Variants in PMP22 observed in about 807,000 individuals in gnomAD.
PMP22 encodes peripheral myelin protein 22, also known as Charcot-Marie-Tooth neuropathy 1A (greatly reduced nerve conduction velocity, hereditary motor sensory neuropathy Ia).
Under a neutral mutation model 18.9 loss-of-function variants are expected in PMP22, and 2 were observed. The observed-to-expected ratio is 0.11, with a 90% CI of 0.04 to 0.33. The LOEUF is 0.33. PMP22 is among the 10% of genes least tolerant of loss of function. The pLI is 1.00. For synonymous variants in PMP22, 95 were observed against 89.2 expected (o/e 1.07, Z -0.37); for missense variants, 169 against 202.2 (o/e 0.84, Z 1.00).
intron 1 of PMP22, among the ~76,000 whole-genome samples, chr17:15,263,372 G>A (rs982365302): frequency 6.6e-6 from 1 of 152,110 alleles, no homozygotes; most frequent in Non-Finnish European, 1.5e-5. Flanking sequence ...TGGGGTTGGA[G>A]CAGCCAAGGA....
chr17:15,262,354 G>C (rs1224834444), intron 1 of PMP22: 1 of 152,554 alleles, frequency 6.6e-6, no homozygotes, highest in African/African-American at 2.4e-5. Flanking sequence ...CCTGCGCTGC[G>C]CTTTCTGGCA....
rs141094419 is a variant in PMP22 at position 15,230,997 on chromosome 17, C to T, written c.403G>A (p.Ala135Thr). ...AAGGCCACCCAGGCCAGGATGTAGG[C>T]GAAACCGTAGGAGTAATCCGAGTTG... The part of the protein sequence containing the change: ...HLNSDYSYGF[A>T]YILAWVAFPL... Residue 135 changes from alanine (A) to threonine (T), a missense_variant, in exon 5 of 5, where the codon GCC becomes ACC. Ala to Thr is a moderately conservative substitution (Grantham distance 58). Coordinates refer to ENST00000312280, the MANE Select transcript of PMP22 (RefSeq NM_000304.4). 4.7e-4 allele frequency: 759 copies of T among 1,614,126 alleles called. 3 individuals carry two copies. In the African/African-American group the frequency reaches 9.0e-3, roughly 19 times the overall value.
chr17:15,243,021 G>C (rs1236086019), intron 3 of PMP22, among the ~76,000 whole-genome samples: 1 of 152,064 alleles, frequency 6.6e-6, no homozygotes, highest in Non-Finnish European at 1.5e-5. Flanking sequence ...ACACCTGTGG[G>C]TTGTAACCAA....
chr17:15,243,250 A>G (rs184240346), intron 3 of PMP22, among the ~76,000 whole-genome samples: 64 of 152,298 alleles, frequency 4.2e-4, no homozygotes, highest in African/African-American at 1.4e-3. Context: ...GGATACATCA[A>G]CAAGTTAGAC....
At chr17:15,252,997 A>G (rs1185002146) in intron 3 of PMP22, among the ~76,000 whole-genome samples, 1 of 152,228 alleles carries the variant, frequency 6.6e-6, no homozygotes, top group Non-Finnish European at 1.5e-5. Context: ...GAGAACTTGG[A>G]CTTGATATTT....
intron 1 of PMP22, among the ~76,000 whole-genome samples, chr17:15,263,081 C>A (rs1330998052): frequency 1.3e-5 from 2 of 152,210 alleles, no homozygotes; most frequent in East Asian, 3.9e-4. Flanking sequence ...CGCGCCGGTC[C>A]CCGCTATTAC....
chr17:15,254,260 G>A (rs1567714775), intron 3 of PMP22, among the ~76,000 whole-genome samples: 1 of 152,278 alleles, frequency 6.6e-6, no homozygotes, highest in South Asian at 2.1e-4. Context: ...TATCAGCCTG[G>A]ATTCCATATG....
rs1366532676 is a variant in PMP22 at position 15,258,020 on chromosome 17, C to A, written c.178+1074G>T. Among the ~76,000 whole-genome samples, 1 of 152,162 alleles carries A rather than the reference C, an allele frequency of 6.6e-6. No individual in the cohort carries two copies. Among genetic ancestry groups the A allele is most frequent in the African/African-American group, 2.4e-5 (1 of 41,430 alleles). On this transcript the variant is annotated intron_variant, in intron 3 of 4. Transcript: ENST00000312280. This position sits in a 1 kb window ranked among gnomAD's most constrained non-coding sequence, Gnocchi z 4.1. The stretch of plus-strand genomic sequence containing the variant: ...AGCAAAGCAACTGGATTATGCAAAG[C>A]CAGGACCAAAGGCCACTTCACTGCC...
At chr17:15,246,969 C>A (rs1907871961) in intron 3 of PMP22, among the ~76,000 whole-genome samples, 1 of 148,324 alleles carries the variant, frequency 6.7e-6, no homozygotes, top group Admixed American at 6.8e-5. Flanking sequence ...ATTTGGGAGG[C>A]TGGAGCAGGA....
chr17:15,248,151 C>T (rs1907995890), intron 3 of PMP22, among the ~76,000 whole-genome samples: 1 of 152,248 alleles, frequency 6.6e-6, no homozygotes, highest in South Asian at 2.1e-4. Flanking sequence ...TTCAACTTCT[C>T]CCCCAGCTGG....
chr17:15,264,255 T>C (rs112366210), intron 1 of PMP22, among the ~76,000 whole-genome samples: 1 of 150,116 alleles, frequency 6.7e-6, no homozygotes, highest in Non-Finnish European at 1.5e-5. Context: ...GATAGATAGA[T>C]ATAGATAGAT....
intron 4 of PMP22, among the ~76,000 whole-genome samples, chr17:15,234,098 G>A (rs1385639559): frequency 6.6e-6 from 1 of 152,134 alleles, no homozygotes; most frequent in Admixed American, 6.5e-5. Flanking sequence ...GCTGCACTGG[G>A]GTTAGTGAGT....
At chr17:15,260,626 G>A (rs757616821) in intron 2 of PMP22, 24 bp downstream of exon 2, 17 of 1,545,448 alleles carry the variant, frequency 1.1e-5, no homozygotes, top group Middle Eastern at 3.5e-4. Context: ...GGCCGCGCAG[G>A]GAGCCTCCCC....
chr17:15,259,269 A>C (rs1349319759), intron 2 of PMP22, 76 bp from the exon 3 acceptor site: 2 of 1,232,334 alleles, frequency 1.6e-6, no homozygotes, highest in Non-Finnish European at 2.4e-6. Context: ...AGAAAGGCCC[A>C]GGGATGGCGA....
chr17:15,248,056 T>C (rs1308574454), intron 3 of PMP22, among the ~76,000 whole-genome samples: 2 of 152,188 alleles, frequency 1.3e-5, no homozygotes, highest in Non-Finnish European at 2.9e-5. Context: ...AAGGCCTCCA[T>C]CCTAAACAAT....
chr17:15,233,679 G>T (rs1906549825), intron 4 of PMP22, among the ~76,000 whole-genome samples: 1 of 152,208 alleles, frequency 6.6e-6, no homozygotes, highest in Non-Finnish European at 1.5e-5. Context: ...TGCTGCTCTA[G>T]ATGTACCAAG....
At chr17:15,251,412 C>T (rs908383051) in intron 3 of PMP22, among the ~76,000 whole-genome samples, 3 of 151,964 alleles carry the variant, frequency 2.0e-5, no homozygotes, top group Non-Finnish European at 2.9e-5. Context: ...TCTGTGCACC[C>T]CATTTCTAGA....
In PMP22 at chr17:15,230,053, G is replaced by C. The variant is rs1307331243; in HGVS notation, c.*864C>G. On this transcript the variant is annotated 3_prime_UTR_variant, in exon 5 of 5. Transcript: ENST00000312280. The stretch of plus-strand genomic sequence containing the variant: ...TAAGAAAAATGTGGGAGTGATGAAG[G>C]CTTTATGATTTACTCATTATAGTAA... 2 of 152,606 alleles carry C rather than the reference G, an allele frequency of 1.3e-5. No homozygotes were observed. The highest frequency in any genetic ancestry group is 2.4e-5 in the African/African-American group (1 of 41,434). The allele number at this position is 152,606 out of a possible 1,614,324, so 9.5% of individuals were successfully genotyped here.
At chr17:15,240,547 A>AC (rs1248198497) in intron 3 of PMP22, among the ~76,000 whole-genome samples, 4 of 151,944 alleles carry the variant, frequency 2.6e-5, no homozygotes, top group Non-Finnish European at 5.9e-5. Flanking sequence ...CAAGCTTCCA[A>AC]CTGAAATTCA....
Sources: allele counts gnomAD v4.1 joint callset (sites outside exome capture counted in the v4.1 genomes callset), GRCh38; gene constraint gnomAD v4.1.1; non-coding constraint Gnocchi (gnomAD v3.1); transcripts MANE v1.5; gene names NCBI Gene and HGNC (gene_info 2026-07-23, HGNC 2026-07-21).